Variants in GLIS2 observed in about 807,000 individuals in gnomAD.
GLIS2 encodes GLIS family zinc finger 2.
In GLIS2, 14 loss-of-function variants were observed where a neutral mutation model predicts 35.6. The observed-to-expected ratio is 0.39, with a 90% confidence interval of 0.26 to 0.61. The LOEUF (loss-of-function observed/expected upper bound fraction) is 0.61, where lower values mean the gene tolerates loss of function less well. Among genes scored for constraint, GLIS2 ranks in the 20% least tolerant of loss-of-function variants. The pLI is 0.48. For synonymous variants in GLIS2, 368 were observed against 325.1 expected, an observed-to-expected ratio of 1.13 and a Z score of -1.42; for missense variants, 675 against 713.4, an observed-to-expected ratio of 0.95 and a Z score of 0.61.
rs368985225 is a variant in GLIS2 at position 4,335,293 on chromosome 16, C to T, written c.675C>T (p.His225=). The change falls in exon 6 of 7, where the codon CAC becomes CAT. Residue 225 remains histidine, a synonymous_variant. Coordinates refer to ENST00000433375, the MANE Select transcript of GLIS2 (RefSeq NM_032575.3). This position sits in a 1 kb window ranked among gnomAD's most constrained non-coding sequence, Gnocchi z 4.6. ...GFNARYKMLI[H]IRTHTNEKPH... ...GGAGCAGGTACAAGATGCTCATCCA[C>T]ATCCGCACACACACCAACGAGAAGC... 13 of 1,613,874 alleles carry T rather than the reference C, an allele frequency of 8.1e-6. No individual in the cohort carries two copies. The highest frequency in any genetic ancestry group is 1.6e-4 in the Middle Eastern group (1 of 6,062).
intron 1 of GLIS2, among the ~76,000 whole-genome samples, chr16:4,330,828 C>G (rs187721435): frequency 1.1e-3 from 167 of 152,336 alleles, no homozygotes; most frequent in African/African-American, 3.7e-3. Context: ...AGCCCCAAAA[C>G]TGGCCATAAA....
Position 4,332,123 on chromosome 16 carries a change from C to T in GLIS2, c.-66-92C>T, listed in dbSNP as rs1567221990. The T allele has an allele frequency of 2.5e-5, 24 of 951,584 alleles. No homozygotes were observed. The highest frequency in any genetic ancestry group is 1.9e-5 in the Non-Finnish European group (12 of 616,398). 58.9% of individuals were successfully genotyped at this position (951,584 alleles called of 1,614,324 possible). On this transcript the variant is annotated intron_variant, in intron 1 of 6. Transcript: ENST00000433375. This position sits in a 1 kb window ranked among gnomAD's most constrained non-coding sequence, Gnocchi z 5.4. ...ACCCAGGAGACAACCTCACACTGCCCCCTGCTCCTGCTCCTGTTAGACTGT... is the reference window on the plus strand; with the variant it reads ...ACCCAGGAGACAACCTCACACTGCCTCCTGCTCCTGCTCCTGTTAGACTGT...
At chr16:4,325,541 G>A (rs1002979902) in intron 1 of GLIS2, among the ~76,000 whole-genome samples, 4 of 152,120 alleles carry the variant, frequency 2.6e-5, no homozygotes, top group African/African-American at 9.7e-5. Flanking sequence ...CTGAAGTGAT[G>A]GTTCCAGTAA....
chr16:4,334,679 G>A (rs1238692674), intron 3 of GLIS2, 122 bp from the exon 4 acceptor site: 2 of 1,154,108 alleles, frequency 1.7e-6, no homozygotes, highest in Non-Finnish European at 1.3e-6. Context: ...ACATGCACAG[G>A]TAGGGGCTGG....
chr16:4,326,677 C>T (rs2053433358), intron 1 of GLIS2, among the ~76,000 whole-genome samples: 2 of 150,734 alleles, frequency 1.3e-5, no homozygotes, highest in Admixed American at 1.3e-4. Flanking sequence ...CAGCCTCAAA[C>T]TCCCCAGGCT....
chr16:4,333,687 CTCCT>C (rs2053520954), intron 3 of GLIS2, among the ~76,000 whole-genome samples, 168 bp downstream of exon 3: 1 of 152,216 alleles, frequency 6.6e-6, no homozygotes, highest in Non-Finnish European at 1.5e-5. Context: ...CCCTGCCTCT[CTCCT>C]GCCTTCTGGC....
chr16:4,329,503 T>G (rs2053475192), intron 1 of GLIS2, among the ~76,000 whole-genome samples: 1 of 152,108 alleles, frequency 6.6e-6, no homozygotes, highest in South Asian at 2.1e-4. Context: ...GACCCCCGTG[T>G]CAGCCATGTT....
At chr16:4,317,119 G>A (rs1229218261) in intron 1 of GLIS2, among the ~76,000 whole-genome samples, 1 of 152,192 alleles carries the variant, frequency 6.6e-6, no homozygotes, top group Non-Finnish European at 1.5e-5. Context: ...GCCCAGCCTG[G>A]CCAGAGGGTG....
chr16:4,333,701 CAGCTTCTGGA>C (rs2053521296), intron 3 of GLIS2, among the ~76,000 whole-genome samples, 182 bp downstream of exon 3: 1 of 152,196 alleles, frequency 6.6e-6, no homozygotes, highest in Non-Finnish European at 1.5e-5. Context: ...TGCCTTCTGG[CAGCTTCTGGA>C]AATGCCTGGC....
In GLIS2 at chr16:4,333,450, C is replaced by A; in HGVS notation, c.276C>A (p.Pro92=). 1 of 1,612,922 alleles carries A rather than the reference C, an allele frequency of 6.2e-7. No individual in the cohort carries two copies. The highest frequency in any genetic ancestry group is 2.2e-5 in the East Asian group (1 of 44,874). The change falls in exon 3 of 7, where the codon CCC becomes CCA. Residue 92 remains proline (P), a synonymous_variant. Transcript: ENST00000433375. ...SLSPPSGLDS[P]NGSSSLSPER... is the part of the protein sequence containing the mutation. ...CACCACCATCTGGGCTGGACTCCCC[C>A]AATGGCAGCAGCTCGCTGTCCCCCG...
At chr16:4,336,508 C>G (rs960537806) in intron 6 of GLIS2, 18 of 652,146 alleles carry the variant, frequency 2.8e-5, no homozygotes, top group Non-Finnish European at 4.7e-5. Flanking sequence ...CAGGGCGAGG[C>G]TAGGCAGAGC....
Position 4,335,481 on chromosome 16 carries a change from T to TC in GLIS2, c.775+88_775+89insC, listed in dbSNP as rs1208731294. ...CAGGTCCCCAGGGGGAGGGGACTGT[T>TC]AAGTAAATCCCGGGCCTCAGAGATA... On this transcript the variant is annotated intron_variant, in intron 6 of 6. Transcript: ENST00000433375. This position sits in a 1 kb window ranked among gnomAD's most constrained non-coding sequence, Gnocchi z 4.6. The TC allele has an allele frequency of 1.6e-5, 19 of 1,164,796 alleles. No individual in the cohort carries two copies. The highest frequency in any genetic ancestry group is 2.3e-5 in the Non-Finnish European group (18 of 780,186). 72.2% of individuals were successfully genotyped at this position (1,164,796 alleles called of 1,614,324 possible). A position where few individuals can be genotyped will look rare whatever the true frequency, so the allele number is the denominator to read the frequency against.
rs1475882313 is a variant in GLIS2, at chr16:4,334,057, C to T, written c.345+538C>T. Among the ~76,000 whole-genome samples the T allele has an allele frequency of 5.3e-5, 8 of 152,174 alleles. No individual in the cohort carries two copies. In the East Asian group the frequency reaches 5.8e-4, roughly 11 times the overall value. On this transcript the variant is annotated intron_variant, in intron 3 of 6. Transcript: ENST00000433375. ...TCCCGGGTTCAAGCGATTCTCCTGC[C>T]TCAGCCTCCCAAGCTGGGACTACAG...
Position 4,320,415 on chromosome 16 carries a change from G to A in GLIS2, c.-67+4161G>A, listed in dbSNP as rs1333495243. ...GGTAGTCAAGAGGTCGTCGGAGGCC[G>A]GTGGGGGGAAACTGAGGCTCTGAGA... On this transcript the variant is annotated intron_variant, in intron 1 of 6. Coordinates refer to ENST00000433375, the MANE Select transcript of GLIS2 (RefSeq NM_032575.3). This position sits in a 1 kb window ranked among gnomAD's most constrained non-coding sequence, Gnocchi z 5.6. 2.0e-5 allele frequency among the ~76,000 whole-genome samples: 3 copies of A among 152,034 alleles called. No homozygotes were observed. Among genetic ancestry groups the A allele is most frequent in the South Asian group, 2.1e-4 (1 of 4,830 alleles).
rs973742226 is a variant in GLIS2 at position 4,335,433 on chromosome 16, G to A, written c.775+40G>A. 12 of 1,583,658 alleles carry A rather than the reference G, an allele frequency of 7.6e-6. No homozygotes were observed. Among genetic ancestry groups the A allele is most frequent in the African/African-American group, 6.7e-5 (5 of 74,470 alleles). ...CCGGGCGGCTTGGCCCATGAAGGGG[G>A]CGCTCAGCTGAGACCGGCTGGGCAG... On this transcript the variant is annotated intron_variant, in intron 6 of 6. Transcript: ENST00000433375. This position sits in a 1 kb window ranked among gnomAD's most constrained non-coding sequence, Gnocchi z 4.6.
rs1171070154 is a variant in GLIS2, at chr16:4,320,875, AC to A, written c.-67+4627del. Among the ~76,000 whole-genome samples the A allele has an allele frequency of 2.0e-5, 3 of 148,698 alleles. No homozygotes were observed. The highest frequency in any genetic ancestry group is 4.5e-5 in the Non-Finnish European group (3 of 67,164). ...CCTGCCAGCCCCGGCCTCCCCCAGC[AC>A]CCCCCGGAGCACCTAGTGGTCACCC... On this transcript the variant is annotated intron_variant, in intron 1 of 6. Coordinates refer to ENST00000433375, the MANE Select transcript of GLIS2 (RefSeq NM_032575.3). This position sits in a 1 kb window ranked among gnomAD's most constrained non-coding sequence, Gnocchi z 5.6.
chr16:4,334,751 G>C, intron 3 of GLIS2, 50 bp from the exon 4 acceptor site: 1 of 1,608,814 alleles, frequency 6.2e-7, no homozygotes. Context: ...CGATGGGACG[G>C]GGGGCTCTGG....
chr16:4,324,070 CGGCAGAG>C (rs1322899558), intron 1 of GLIS2, among the ~76,000 whole-genome samples: 1 of 152,204 alleles, frequency 6.6e-6, no homozygotes, highest in Non-Finnish European at 1.5e-5. Context: ...GAGGACCCCA[CGGCAGAG>C]GGCAGAGGTC....
chr16:4,332,911 A>T lies in GLIS2; in HGVS notation c.173-436A>T, dbSNP rs1243954292. On this transcript the variant is annotated intron_variant, in intron 2 of 6. Coordinates refer to ENST00000433375, the MANE Select transcript of GLIS2 (RefSeq NM_032575.3). The surrounding 1 kb of genome is among the most constrained non-coding windows in gnomAD (Gnocchi z 5.4). ...GCAGAGTCACCCGAAAACCAGATTCACCGCTTGTCTGAAGGGGAAGGCTAT... is the reference window on the plus strand; with the variant it reads ...GCAGAGTCACCCGAAAACCAGATTCTCCGCTTGTCTGAAGGGGAAGGCTAT... Among the ~76,000 whole-genome samples the T allele has an allele frequency of 7.9e-5, 12 of 152,024 alleles. No individual in the cohort carries two copies. Among genetic ancestry groups the T allele is most frequent in the African/African-American group, 2.2e-4 (9 of 41,484 alleles).
Sources: allele counts gnomAD v4.1 joint callset (sites outside exome capture counted in the v4.1 genomes callset), GRCh38; gene constraint gnomAD v4.1.1; non-coding constraint Gnocchi (gnomAD v3.1); transcripts MANE v1.5; gene names NCBI Gene and HGNC (gene_info 2026-07-23, HGNC 2026-07-21).